GSTA2: variants seen among roughly 807,000 people sequenced by gnomAD.
GSTA2 encodes glutathione S-transferase A2.
GSTA2 carries 27 observed loss-of-function variants against 22.4 expected under a neutral mutation model. The ratio of observed to expected loss-of-function variants is 1.21; its 90% CI spans 0.89 to 1.67. GSTA2 has a LOEUF of 1.67. GSTA2 is among the 40% of genes most tolerant of loss of function. The pLI, the probability that GSTA2 is intolerant of heterozygous loss-of-function variation, is 0.00. For missense variants in GSTA2, 302 were observed against 260.2 expected (o/e 1.16, Z -1.11); for synonymous variants, 121 against 86.8 (o/e 1.39, Z -2.19).
chr6:52,754,517 G>C (rs1350644624), intron 4 of GSTA2, among the ~76,000 whole-genome samples: 1 of 152,084 alleles, frequency 6.6e-6, no homozygotes, highest in Non-Finnish European at 1.5e-5. Context: ...ATCATACTTG[G>C]AATTACTGGG....
chr6:52,761,587 G>C (rs1762951284), intron 1 of GSTA2, among the ~76,000 whole-genome samples: 1 of 150,534 alleles, frequency 6.6e-6, no homozygotes, highest in African/African-American at 2.4e-5. Context: ...AGAGGTCAAT[G>C]ATATTCACTA....
chr6:52,754,954 C>T lies in GSTA2; in HGVS notation c.261G>A (p.Lys87=). The T allele has an allele frequency of 6.2e-7, 1 of 1,613,782 alleles. No individual in the cohort carries two copies. Among genetic ancestry groups the T allele is most frequent in the Non-Finnish European group, 8.5e-7 (1 of 1,179,934 alleles). ...AAAATATACCGTACAGGGCTTTCTCCTTTATGTCTTTCCCATAGAGGTTGT... is the reference window on the plus strand; with the variant it reads ...AAAATATACCGTACAGGGCTTTCTCTTTTATGTCTTTCCCATAGAGGTTGT... ...SKYNLYGKDI[K]EKALIDMYIE... is the part of the protein sequence containing the mutation. The change falls in exon 4 of 7, where the codon AAG becomes AAA. Residue 87 remains lysine, a synonymous_variant. Transcript: ENST00000493422.
intron 5 of GSTA2, 133 bp from the exon 6 acceptor site, chr6:52,751,841 T>C: frequency 7.9e-7 from 1 of 1,269,930 alleles, no homozygotes; most frequent in Non-Finnish European, 1.1e-6. Context: ...ATCCCGAGCT[T>C]TCTCCACATT....
chr6:52,756,376 G>A, intron 2 of GSTA2, 67 bp from the exon 3 acceptor site: 3 of 1,224,122 alleles, frequency 2.5e-6, no homozygotes, highest in South Asian at 1.2e-5. Flanking sequence ...AAATTGAATG[G>A]CCTCTATCTG....
intron 4 of GSTA2, among the ~76,000 whole-genome samples, chr6:52,754,048 C>A (rs370840302): frequency 4.2e-4 from 64 of 152,304 alleles, no homozygotes; most frequent in African/African-American, 1.1e-3. Context: ...AGCATGCATT[C>A]GTACTTCATT....
At chr6:52,754,890 A>T in intron 4 of GSTA2, 53 bp downstream of exon 4, 1 of 1,610,502 alleles carries the variant, frequency 6.2e-7, no homozygotes, top group Non-Finnish European at 8.5e-7. Context: ...TCAAGGAAGG[A>T]CCTAAATCAC....
In GSTA2 at chr6:52,750,590, A is replaced by G. The variant is rs2127283993; in HGVS notation, c.656T>C (p.Ile219Thr). Reference sequence around the variant, plus strand: ...ATGGCTGGTTTATTAAAACCTGAAAATCTTCCTTGATTCTTCTAAAGATTT... The same window carrying G: ...ATGGCTGGTTTATTAAAACCTGAAAGTCTTCCTTGATTCTTCTAAAGATTT... ...DEKSLEESRK[I>T]FRF The change falls in exon 7 of 7, where the codon ATT becomes ACT. Residue 219 changes from isoleucine (I) to threonine (T), a missense_variant. By Grantham distance (89) the Ile-to-Thr change is moderately conservative. Transcript: ENST00000493422. The G allele has an allele frequency of 3.7e-6, 6 of 1,613,916 alleles. No individual in the cohort carries two copies. The highest frequency in any genetic ancestry group is 2.2e-5 in the East Asian group (1 of 44,878).
intron 1 of GSTA2, among the ~76,000 whole-genome samples, chr6:52,760,334 A>T (rs989172047): frequency 1.3e-5 from 2 of 152,188 alleles, no homozygotes; most frequent in Non-Finnish European, 2.9e-5. Context: ...CACTTCCTCA[A>T]TGTGAGGTTT....
intron 1 of GSTA2, among the ~76,000 whole-genome samples, chr6:52,762,654 G>A (rs1441045580): frequency 1.3e-5 from 2 of 152,264 alleles, no homozygotes; most frequent in South Asian, 4.1e-4. Context: ...TGGCGCCAGC[G>A]CAGGTCCTCC....
intron 3 of GSTA2, among the ~76,000 whole-genome samples, chr6:52,755,725 G>A (rs1370411116): frequency 1.3e-5 from 2 of 151,738 alleles, no homozygotes; most frequent in Non-Finnish European, 2.9e-5. Flanking sequence ...ATTTAAAACA[G>A]GATGTTCCCA....
At position 52,752,981 on chromosome 6, in the gene GSTA2, A is replaced by C. The variant is rs752679873; in HGVS notation, c.287T>G (p.Ile96Arg). Residue 96 changes from isoleucine to arginine, a missense_variant, in exon 5 of 7, where the codon ATA (isoleucine) becomes AGA (arginine). Transcript: ENST00000493422. ...TTCACCCAAATCTGCTATACCTTCT[A>C]TATACATATCAATCCTGAAAGACAA... ...IKEKALIDMY[I>R]EGIADLGEMI... is the part of the protein sequence containing the mutation. The C allele has an allele frequency of 5.0e-6, 8 of 1,609,662 alleles. No homozygotes were observed. The highest frequency in any genetic ancestry group is 4.0e-5 in the African/African-American group (3 of 74,776).
intron 1 of GSTA2, among the ~76,000 whole-genome samples, chr6:52,763,207 C>G (rs1357287338): frequency 4.6e-5 from 7 of 152,196 alleles, no homozygotes; most frequent in Admixed American, 3.9e-4. Context: ...TTTCCCATAC[C>G]TTTAAATGCT....
At chr6:52,762,760 G>C (rs1762973400) in intron 1 of GSTA2, among the ~76,000 whole-genome samples, 1 of 152,178 alleles carries the variant, frequency 6.6e-6, no homozygotes, top group South Asian at 2.1e-4. Flanking sequence ...CACCCAACAA[G>C]AAACACCCAC....
In GSTA2 at chr6:52,762,239, C is replaced by T. The variant is rs562686328; in HGVS notation, c.-31+1205G>A. On this transcript the variant is annotated intron_variant, in intron 1 of 6. Coordinates refer to ENST00000493422, the MANE Select transcript of GSTA2 (RefSeq NM_000846.5). The stretch of plus-strand genomic sequence containing the variant: ...GGAAAGACCTGATAGTCCCCCAGCC[C>T]GACACCCATAAACGGTCTGTGCTGA... 1.2e-4 allele frequency among the ~76,000 whole-genome samples: 19 copies of T among 152,234 alleles called. No individual in the cohort carries two copies. In the South Asian group the frequency reaches 1.5e-3, roughly 12 times the overall value.
intron 3 of GSTA2, 68 bp downstream of exon 3, chr6:52,756,190 C>T (rs2127287925): frequency 1.9e-6 from 2 of 1,066,634 alleles, no homozygotes; most frequent in East Asian, 2.4e-5. Flanking sequence ...ACATTGCCGG[C>T]TGCGCAAACC....
intron 2 of GSTA2, among the ~76,000 whole-genome samples, chr6:52,757,518 T>C (rs1437282466): frequency 3.3e-5 from 5 of 152,090 alleles, no homozygotes; most frequent in African/African-American, 1.2e-4. Context: ...ACATGAAATA[T>C]TAACAATAAT....
chr6:52,750,946 T>C lies in GSTA2; in HGVS notation c.547-247A>G, dbSNP rs543862965. On this transcript the variant is annotated intron_variant, in intron 6 of 6. Coordinates refer to ENST00000493422, the MANE Select transcript of GSTA2 (RefSeq NM_000846.5). ...AGTCATCCCTATCTTTCTTCTTACA[T>C]ATTAATCCTATAGATTAGTGACTCT... 8.5e-5 allele frequency among the ~76,000 whole-genome samples: 13 copies of C among 152,368 alleles called. No individual in the cohort carries two copies. The South Asian group carries it at 2.7e-3, about 32-fold the overall frequency.
rs1241787422 is a variant in GSTA2 at position 52,750,409 on chromosome 6, A to G, written c.*168T>C. ...CATCAGATCCTAATGAGAAGAAATC[A>G]ATTTTAACTAAGTGGGTGAATAGGA... On this transcript the variant is annotated 3_prime_UTR_variant, in exon 7 of 7. Coordinates refer to ENST00000493422, the MANE Select transcript of GSTA2 (RefSeq NM_000846.5). 1 of 586,208 alleles carries G rather than the reference A, an allele frequency of 1.7e-6. No homozygotes were observed. The highest frequency in any genetic ancestry group is 2.8e-5 in the South Asian group (1 of 35,908). 36.3% of individuals were successfully genotyped at this position (586,208 alleles called of 1,614,324 possible). A position where few individuals can be genotyped will look rare whatever the true frequency, so the allele number is the denominator to read the frequency against.
Position 52,750,389 on chromosome 6 carries a change from G to A in GSTA2, c.*188C>T, listed in dbSNP as rs865946389. On this transcript the variant is annotated 3_prime_UTR_variant, in exon 7 of 7. Coordinates refer to ENST00000493422, the MANE Select transcript of GSTA2 (RefSeq NM_000846.5). The stretch of plus-strand genomic sequence containing the variant: ...AGATTGGAAAACTGAATTCACATCA[G>A]ATCCTAATGAGAAGAAATCAATTTT... 1 of 511,842 alleles carries A rather than the reference G, an allele frequency of 2.0e-6. No homozygotes were observed. Among genetic ancestry groups the A allele is most frequent in the Admixed American group, 3.6e-5 (1 of 27,518 alleles). 31.7% of individuals were successfully genotyped at this position (511,842 alleles called of 1,614,324 possible).
Sources: gnomAD v4.1 joint callset for allele counts (sites outside exome capture counted in the v4.1 genomes callset) on GRCh38, gnomAD v4.1.1 for gene constraint, MANE v1.5 for transcripts, NCBI Gene and HGNC (gene_info 2026-07-23, HGNC 2026-07-21) for gene names.